Variants in HMBOX1 observed in about 807,000 individuals in gnomAD.
HMBOX1 encodes homeobox containing 1.
A neutral mutation model predicts 54.5 loss-of-function variants in HMBOX1; 14 were observed. The observed-to-expected ratio is 0.26, with a 90% CI of 0.17 to 0.40. HMBOX1 has a LOEUF of 0.40. Among genes scored for constraint, HMBOX1 ranks in the 10% least tolerant of loss-of-function variants. The pLI is 1.00. For missense variants in HMBOX1, 332 were observed against 514.4 expected (o/e 0.65, Z 3.43); for synonymous variants, 160 against 181.0 (o/e 0.88, Z 0.93).
At chr8:28,893,657 A>G (rs1811488281) in intron 1 of HMBOX1, among the ~76,000 whole-genome samples, 1 of 152,198 alleles carries the variant, frequency 6.6e-6, no homozygotes, top group African/African-American at 2.4e-5. Flanking sequence ...CAGTGTTCCT[A>G]AGTTACAAAA....
intron 1 of HMBOX1, among the ~76,000 whole-genome samples, chr8:28,947,914 C>T (rs1822768802): frequency 6.6e-6 from 1 of 152,034 alleles, no homozygotes; most frequent in Admixed American, 6.6e-5. Flanking sequence ...GGCTTGCTGC[C>T]TAATTTCATT....
At chr8:28,901,248 T>C (rs1813182076) in intron 1 of HMBOX1, among the ~76,000 whole-genome samples, 1 of 152,162 alleles carries the variant, frequency 6.6e-6, no homozygotes, top group Non-Finnish European at 1.5e-5. Context: ...ATTTTTTCTT[T>C]GTGTATTTAT....
intron 2 of HMBOX1, among the ~76,000 whole-genome samples, chr8:28,966,141 C>T (rs556806838): frequency 1.2e-4 from 18 of 152,282 alleles, no homozygotes; most frequent in South Asian, 4.1e-4. Context: ...CTTTGCTCTA[C>T]ATGTTTGTAG....
At chr8:28,974,062 C>T (rs1005930120) in intron 3 of HMBOX1, among the ~76,000 whole-genome samples, 1 of 152,014 alleles carries the variant, frequency 6.6e-6, no homozygotes, top group Non-Finnish European at 1.5e-5. Context: ...GATCCGCCCA[C>T]CTTGGCCTCC....
At chr8:28,899,566 C>T (rs983081613) in intron 1 of HMBOX1, among the ~76,000 whole-genome samples, 1 of 152,222 alleles carries the variant, frequency 6.6e-6, no homozygotes, top group Non-Finnish European at 1.5e-5. Flanking sequence ...GCATCTTGTT[C>T]TCTGCAGATC....
chr8:28,999,671 T>G (rs1401190335), intron 4 of HMBOX1, among the ~76,000 whole-genome samples: 2 of 152,128 alleles, frequency 1.3e-5, no homozygotes, highest in African/African-American at 2.4e-5. Flanking sequence ...TACCGTTGAG[T>G]CCTTTTAGAT....
chr8:28,977,955 A>G (rs536204048), intron 3 of HMBOX1, among the ~76,000 whole-genome samples: 69 of 152,056 alleles, frequency 4.5e-4, no homozygotes, highest in Middle Eastern at 3.4e-3. Context: ...AAAAAAAAAA[A>G]AAAGAAAGAA....
chr8:29,010,651 TCTC>T lies in HMBOX1; in HGVS notation c.697+1472_697+1474del, dbSNP rs533594221. Among the ~76,000 whole-genome samples, 203 of 152,034 alleles carry T rather than the reference TCTC, an allele frequency of 1.3e-3. 1 individual carries two copies. The South Asian group carries it at 0.015, about 11-fold the overall frequency. ...TATATATGTGTGTATTCAGCATTCATCTCCTAAGAATAAAGATAATCTGTATTA... is the reference window on the plus strand; with the variant it reads ...TATATATGTGTGTATTCAGCATTCATCTAAGAATAAAGATAATCTGTATTA... On this transcript the variant is annotated intron_variant, in intron 5 of 9. Coordinates refer to ENST00000287701, the MANE Select transcript of HMBOX1 (RefSeq NM_001135726.3).
chr8:28,898,576 G>C (rs930354593), intron 1 of HMBOX1, among the ~76,000 whole-genome samples: 1 of 152,280 alleles, frequency 6.6e-6, no homozygotes. Flanking sequence ...TCAAGCTCTC[G>C]TTCTGGTGAT....
chr8:29,047,765 C>G (rs570497018), intron 8 of HMBOX1, among the ~76,000 whole-genome samples: 1 of 152,044 alleles, frequency 6.6e-6, no homozygotes, highest in Non-Finnish European at 1.5e-5. Flanking sequence ...TGGGGTGTCT[C>G]TATGTTGGTC....
chr8:29,005,067 G>T, intron 4 of HMBOX1, among the ~76,000 whole-genome samples: 1 of 152,134 alleles, frequency 6.6e-6, no homozygotes, highest in African/African-American at 2.4e-5. Context: ...AGAAATTCTT[G>T]TTTATTTCTT....
chr8:28,976,166 T>C (rs937565329), intron 3 of HMBOX1, among the ~76,000 whole-genome samples: 1 of 152,182 alleles, frequency 6.6e-6, no homozygotes, highest in Non-Finnish European at 1.5e-5. Context: ...GGTACAGATG[T>C]TTACTTTGGT....
At chr8:28,909,271 T>C (rs1314017366) in intron 1 of HMBOX1, among the ~76,000 whole-genome samples, 1 of 152,160 alleles carries the variant, frequency 6.6e-6, no homozygotes, top group African/African-American at 2.4e-5. Flanking sequence ...TTTTGAACTA[T>C]TTGTGGTAAC....
chr8:28,931,828 A>G (rs139420312), intron 1 of HMBOX1, among the ~76,000 whole-genome samples: 47 of 152,360 alleles, frequency 3.1e-4, no homozygotes, highest in Admixed American at 1.7e-3. Context: ...GGCGTGAGCT[A>G]CTGCACCCAG....
chr8:29,049,883 A>C (rs1423146239), intron 9 of HMBOX1, among the ~76,000 whole-genome samples: 6 of 152,198 alleles, frequency 3.9e-5, no homozygotes, highest in Non-Finnish European at 8.8e-5. Context: ...CAGCCAGCTC[A>C]TATAGTCCAA....
chr8:29,009,019 T>C, intron 4 of HMBOX1, 53 bp from the exon 5 acceptor site: 1 of 1,385,868 alleles, frequency 7.2e-7, no homozygotes, highest in Non-Finnish European at 1.0e-6. Context: ...GATCCTTTAT[T>C]AATTTCACTG....
chr8:28,905,560 G>A (rs999584980), intron 1 of HMBOX1, among the ~76,000 whole-genome samples: 3 of 152,222 alleles, frequency 2.0e-5, no homozygotes, highest in African/African-American at 7.2e-5. Flanking sequence ...GCCTTGCTGA[G>A]TAACTTCACA....
At chr8:29,047,633 T>C (rs1805788595) in intron 8 of HMBOX1, among the ~76,000 whole-genome samples, 180 bp downstream of exon 8, 1 of 150,342 alleles carries the variant, frequency 6.7e-6, no homozygotes, top group Non-Finnish European at 1.5e-5. Context: ...AGTGGCGCGA[T>C]GTTGGCTGAC....
At chr8:29,042,427 G>A (rs961643123) in intron 6 of HMBOX1, among the ~76,000 whole-genome samples, 4 of 152,112 alleles carry the variant, frequency 2.6e-5, no homozygotes, top group Non-Finnish European at 5.9e-5. Flanking sequence ...GAGAAAGCAA[G>A]GTCATCTGCA....
Sources: allele counts gnomAD v4.1 joint callset (sites outside exome capture counted in the v4.1 genomes callset), GRCh38; gene constraint gnomAD v4.1.1; transcripts MANE v1.5; gene names NCBI Gene and HGNC (gene_info 2026-07-23, HGNC 2026-07-21).